PIK3C2B: variants seen among roughly 807,000 people sequenced by gnomAD.
PIK3C2B encodes phosphatidylinositol 4-phosphate 3-kinase C2 domain-containing subunit beta.
In PIK3C2B, 83 loss-of-function variants were observed where a neutral mutation model predicts 184.3. The observed-to-expected ratio is 0.45, with a 90% confidence interval of 0.38 to 0.54. The LOEUF is 0.54. Among genes scored for constraint, PIK3C2B ranks in the 20% least tolerant of loss-of-function variants. The probability of loss-of-function intolerance (pLI) is 0.00; values close to 1 mark genes in which losing one functional copy is unlikely to be tolerated. For missense variants in PIK3C2B, 1,736 were observed against 2,113.5 expected, an observed-to-expected ratio of 0.82 and a Z score of 3.50; for synonymous variants, 779 against 837.6, an observed-to-expected ratio of 0.93 and a Z score of 1.21.
intron 21 of PIK3C2B, among the ~76,000 whole-genome samples, chr1:204,441,150 T>C (rs147553225): frequency 6.6e-6 from 1 of 152,198 alleles, no homozygotes; most frequent in Non-Finnish European, 1.5e-5. Flanking sequence ...CCCTGCCACA[T>C]GGCATTCAGC....
chr1:204,429,446 A>G (rs1381289098), intron 29 of PIK3C2B, among the ~76,000 whole-genome samples: 2 of 152,184 alleles, frequency 1.3e-5, no homozygotes, highest in African/African-American at 2.4e-5. Flanking sequence ...AACCACTATA[A>G]AACTGTAAAA....
Position 204,469,383 on chromosome 1 carries a change from C to T in PIK3C2B, c.420G>A (p.Ser140=), listed in dbSNP as rs376469244. Residue 140 remains serine (S), a synonymous_variant, in exon 2 of 33, where the codon TCG becomes TCA. Coordinates refer to ENST00000684373, the MANE Select transcript of PIK3C2B (RefSeq NM_001377334.1). ...IFDGSDGGVS[S]SPGPGDIEGS... ...CCTCTATGTCCCCTGGTCCTGGGGACGAAGAGACTCCCCCATCTGAACCAT... is the reference window on the plus strand; with the variant it reads ...CCTCTATGTCCCCTGGTCCTGGGGATGAAGAGACTCCCCCATCTGAACCAT... 137 of 1,532,372 alleles carry T rather than the reference C, an allele frequency of 8.9e-5. 1 individual carries two copies. Among genetic ancestry groups the T allele is most frequent in the South Asian group, 3.9e-4 (30 of 76,118 alleles). The allele number at this position is 1,532,372 out of a possible 1,614,324, so 94.9% of individuals were successfully genotyped here.
intron 24 of PIK3C2B, 120 bp downstream of exon 24, chr1:204,434,319 G>A: frequency 1.2e-6 from 1 of 868,274 alleles, no homozygotes; most frequent in East Asian, 2.6e-5. Context: ...ATGCTGCTCA[G>A]CCCTGGGACC....
intron 1 of PIK3C2B, among the ~76,000 whole-genome samples, chr1:204,476,188 C>T (rs374811445): frequency 2.6e-5 from 4 of 152,162 alleles, no homozygotes; most frequent in East Asian, 1.9e-4. Context: ...CTAGAGGACA[C>T]GCAGAAAGTA....
At chr1:204,467,399 G>A (rs752959001) in intron 2 of PIK3C2B, 152 of 158,292 alleles carry the variant, frequency 9.6e-4, no homozygotes, top group Non-Finnish European at 1.7e-3. Flanking sequence ...TAGGAGAAGC[G>A]GAGGAAGGAA....
intron 13 of PIK3C2B, among the ~76,000 whole-genome samples, chr1:204,449,543 T>G (rs6660789): frequency 0.18 from 26,796 of 152,116 alleles, 2,866 homozygotes; most frequent in East Asian, 0.44. Context: ...CTTCATGAGG[T>G]GGGGAGGCTG....
At position 204,443,961 on chromosome 1, in the gene PIK3C2B, T is replaced by C. The variant is rs1653615942; in HGVS notation, c.2867+107A>G. Reference sequence around the variant, plus strand: ...CAAGGCCACAGGGTAAGTCAGCACATACTGAAGCCCGGACAACTCAGTTCC... The same window carrying C: ...CAAGGCCACAGGGTAAGTCAGCACACACTGAAGCCCGGACAACTCAGTTCC... On this transcript the variant is annotated intron_variant, in intron 18 of 32. Coordinates refer to ENST00000684373, the MANE Select transcript of PIK3C2B (RefSeq NM_001377334.1). The C allele has an allele frequency of 1.6e-5, 13 of 800,182 alleles. No individual in the cohort carries two copies. In the South Asian group the frequency reaches 1.8e-4, roughly 11 times the overall value. 49.6% of individuals were successfully genotyped at this position (800,182 alleles called of 1,614,324 possible).
chr1:204,472,507 G>A (rs1021774700), intron 1 of PIK3C2B, among the ~76,000 whole-genome samples: 1 of 150,884 alleles, frequency 6.6e-6, no homozygotes, highest in African/African-American at 2.4e-5. Context: ...GGCCGGATAC[G>A]GTGGCTCACG....
At chr1:204,485,818 G>T (rs541585852) in intron 1 of PIK3C2B, among the ~76,000 whole-genome samples, 166 of 152,078 alleles carry the variant, frequency 1.1e-3, no homozygotes, top group African/African-American at 3.8e-3. Context: ...CGATCTGCCT[G>T]CCCCGGCCTC....
intron 23 of PIK3C2B, among the ~76,000 whole-genome samples, chr1:204,437,598 C>A (rs1451020366): frequency 6.6e-6 from 1 of 152,056 alleles, no homozygotes; most frequent in African/African-American, 2.4e-5. Flanking sequence ...CAGCAAAGAG[C>A]TGAACAAAAT....
At chr1:204,479,679 C>G (rs1656980340) in intron 1 of PIK3C2B, among the ~76,000 whole-genome samples, 1 of 152,216 alleles carries the variant, frequency 6.6e-6, no homozygotes, top group African/African-American at 2.4e-5. Flanking sequence ...CTCAGCTTTG[C>G]CTCGATACAG....
chr1:204,493,194 G>C (rs1329630328), intron 1 of PIK3C2B, among the ~76,000 whole-genome samples: 1 of 152,132 alleles, frequency 6.6e-6, no homozygotes, highest in Non-Finnish European at 1.5e-5. Context: ...ACTGATTCAG[G>C]GTTGGAATTT....
In PIK3C2B at chr1:204,464,652, G is replaced by C. The variant is rs1250660202; in HGVS notation, c.1035-48C>G. The C allele has an allele frequency of 4.5e-6, 7 of 1,570,156 alleles. No homozygotes were observed. The East Asian group carries it at 1.6e-4, about 35-fold the overall frequency. On this transcript the variant is annotated intron_variant, in intron 3 of 32. Coordinates refer to ENST00000684373, the MANE Select transcript of PIK3C2B (RefSeq NM_001377334.1). ...CTCACTGTGCCTTTAGAAGAGAGTAGTCAAGAAGACATCTGTTGGGAACCT... is the reference window on the plus strand; with the variant it reads ...CTCACTGTGCCTTTAGAAGAGAGTACTCAAGAAGACATCTGTTGGGAACCT...
intron 1 of PIK3C2B, among the ~76,000 whole-genome samples, chr1:204,480,688 TGGTGG>T (rs985000981): frequency 6.6e-6 from 1 of 151,742 alleles, no homozygotes; most frequent in Non-Finnish European, 1.5e-5. Context: ...GCTGTGTGGG[TGGTGG>T]GCTGCCGGCA....
rs2103461621 is a variant in PIK3C2B at position 204,425,758 on chromosome 1, A to G, written c.4588-17T>C. ...GAGCAGTTGCTACAATAGAATGAGA[A>G]CCAAAAAAATGTTAAGATTTTTAAC... On this transcript the variant is annotated splice_polypyrimidine_tract_variant and intron_variant, in intron 31 of 32. Coordinates refer to ENST00000684373, the MANE Select transcript of PIK3C2B (RefSeq NM_001377334.1). 1 of 1,605,932 alleles carries G rather than the reference A, an allele frequency of 6.2e-7. No individual in the cohort carries two copies. The highest frequency in any genetic ancestry group is 8.5e-7 in the Non-Finnish European group (1 of 1,177,584).
rs773746660 is a variant in PIK3C2B, at chr1:204,433,304, G to T, written c.3953+12C>A. ...GGTGGGCAGTGCTGATTCGCTCAGG[G>T]AATCATTTTACCTAGTGAAGTAGGT... On this transcript the variant is annotated intron_variant, in intron 26 of 32. Transcript: ENST00000684373. The surrounding 1 kb of genome is among the most constrained non-coding windows in gnomAD (Gnocchi z 5.0). 25 of 1,402,430 alleles carry T rather than the reference G, an allele frequency of 1.8e-5. No homozygotes were observed. Among genetic ancestry groups the T allele is most frequent in the Non-Finnish European group, 2.4e-5 (24 of 987,834 alleles). 86.9% of individuals were successfully genotyped at this position (1,402,430 alleles called of 1,614,324 possible). A position where few individuals can be genotyped will look rare whatever the true frequency, so the allele number is the denominator to read the frequency against.
chr1:204,431,634 C>T, intron 28 of PIK3C2B, 35 bp downstream of exon 28: 1 of 1,613,002 alleles, frequency 6.2e-7, no homozygotes, highest in Non-Finnish European at 8.5e-7. Context: ...CCCTCCCCGA[C>T]ATCCCTCTGT....
chr1:204,467,027 C>T, intron 2 of PIK3C2B: 1 of 462,226 alleles, frequency 2.2e-6, no homozygotes, highest in Non-Finnish European at 4.4e-6. Flanking sequence ...CGGGGAGGAC[C>T]AAGGCCGCAT....
chr1:204,474,612 T>A (rs1458695609), intron 1 of PIK3C2B, among the ~76,000 whole-genome samples: 1 of 152,188 alleles, frequency 6.6e-6, no homozygotes, highest in Non-Finnish European at 1.5e-5. Context: ...TTTGTCTTCC[T>A]CTTCCTTTGT....
Sources: gnomAD v4.1 joint callset for allele counts (sites outside exome capture counted in the v4.1 genomes callset) on GRCh38, gnomAD v4.1.1 for gene constraint, Gnocchi (gnomAD v3.1) non-coding constraint, MANE v1.5 for transcripts, NCBI Gene and HGNC (gene_info 2026-07-23, HGNC 2026-07-21) for gene names.